SLC38A11: variants seen among roughly 807,000 people sequenced by gnomAD.
SLC38A11 encodes the protein putative sodium-coupled neutral amino acid transporter 11.
Under a neutral mutation model 49.4 loss-of-function variants are expected in SLC38A11, and 51 were observed. The observed-to-expected ratio is 1.03, with a 90% CI of 0.83 to 1.30. SLC38A11 has a LOEUF of 1.30. Among genes scored for constraint, SLC38A11 ranks in the 50% most tolerant of loss-of-function variants. The pLI, the probability that SLC38A11 is intolerant of heterozygous loss-of-function variation, is 0.00. For synonymous variants in SLC38A11, 203 were observed against 192.9 expected, an observed-to-expected ratio of 1.05 and a Z score of -0.43; for missense variants, 574 against 556.2, an observed-to-expected ratio of 1.03 and a Z score of -0.32.
intron 7 of SLC38A11, among the ~76,000 whole-genome samples, chr2:164,930,714 G>A (rs1040241384): frequency 3.3e-5 from 5 of 152,020 alleles, no homozygotes; most frequent in African/African-American, 7.2e-5. Flanking sequence ...ACCGCTTCAC[G>A]TTAAAAACTC....
chr2:164,915,036 G>C, intron 9 of SLC38A11, 76 bp downstream of exon 9: 8 of 1,330,802 alleles, frequency 6.0e-6, no homozygotes, highest in Non-Finnish European at 7.2e-6. Flanking sequence ...GGGCATACCT[G>C]TAACAATAAT....
intron 3 of SLC38A11, among the ~76,000 whole-genome samples, chr2:164,946,916 A>G (rs1213062056): frequency 6.6e-6 from 1 of 151,920 alleles, no homozygotes; most frequent in Non-Finnish European, 1.5e-5. Context: ...TACTTCCTAG[A>G]TCTTACTCTT....
intron 7 of SLC38A11, among the ~76,000 whole-genome samples, chr2:164,927,803 C>T (rs1378296198): frequency 6.6e-6 from 1 of 152,126 alleles, no homozygotes; most frequent in Non-Finnish European, 1.5e-5. Context: ...ATAGCACTTA[C>T]TCATAATTCT....
chr2:164,933,481 C>T (rs1687150926), intron 7 of SLC38A11, among the ~76,000 whole-genome samples: 2 of 151,688 alleles, frequency 1.3e-5, no homozygotes, highest in South Asian at 4.2e-4. Flanking sequence ...AATTTATGGC[C>T]CTATAAGTTA....
intron 3 of SLC38A11, among the ~76,000 whole-genome samples, chr2:164,946,879 G>A (rs1688147288): frequency 6.6e-6 from 1 of 151,972 alleles, no homozygotes; most frequent in African/African-American, 2.4e-5. Flanking sequence ...GATCATCAAT[G>A]TTCTCCAAGT....
intron 7 of SLC38A11, among the ~76,000 whole-genome samples, chr2:164,929,968 C>A (rs115135911): frequency 6.6e-6 from 1 of 151,024 alleles, no homozygotes; most frequent in Admixed American, 6.6e-5. Context: ...TGAATCCAGG[C>A]GCTGTTTTTT....
intron 11 of SLC38A11, among the ~76,000 whole-genome samples, chr2:164,906,569 G>A (rs758622055): frequency 1.3e-5 from 2 of 152,096 alleles, no homozygotes; most frequent in African/African-American, 2.4e-5. Flanking sequence ...TACATGACAC[G>A]AGATAATACA....
chr2:164,935,822 A>G (rs1352804634), intron 7 of SLC38A11, among the ~76,000 whole-genome samples: 2 of 152,124 alleles, frequency 1.3e-5, no homozygotes, highest in East Asian at 3.9e-4. Flanking sequence ...TTTGAGAGAT[A>G]ATTAGGGTTA....
intron 3 of SLC38A11, among the ~76,000 whole-genome samples, chr2:164,946,567 A>C (rs1475352149): frequency 1.4e-5 from 2 of 144,666 alleles, no homozygotes; most frequent in Non-Finnish European, 3.0e-5. Context: ...TCCCTCTCAA[A>C]AAAAAAAAAA....
intron 3 of SLC38A11, among the ~76,000 whole-genome samples, chr2:164,951,781 G>A (rs926584116): frequency 7.2e-5 from 11 of 152,142 alleles, no homozygotes; most frequent in African/African-American, 2.2e-4. Flanking sequence ...AGGGGAAAGA[G>A]TTCAGCAAGT....
chr2:164,918,626 G>C (rs1173886488), intron 7 of SLC38A11, among the ~76,000 whole-genome samples: 1 of 152,128 alleles, frequency 6.6e-6, no homozygotes, highest in Admixed American at 6.6e-5. Flanking sequence ...GATATTCCTA[G>C]CTGATTCAAT....
chr2:164,911,690 AC>A lies in SLC38A11; in HGVS notation c.908del (p.Cys303PhefsTer8). 6.2e-7 allele frequency: 1 copy of A among 1,608,102 alleles called. No individual in the cohort carries two copies. Among genetic ancestry groups the A allele is most frequent in the Admixed American group, 1.7e-5 (1 of 59,086 alleles). On this transcript the variant is annotated frameshift_variant, in exon 10 of 12. Transcript: ENST00000685975. LOFTEE classifies it high-confidence loss of function. ...ATGTCAAAATGACAGTGACACCATA[AC>A]AAAATCTTCCAAATGTTACCAGGTC... The part of the protein sequence containing the change: ...NDDLVTFGRF[C>X]YGVTVILTYP...
intron 3 of SLC38A11, among the ~76,000 whole-genome samples, chr2:164,947,789 CT>C (rs561743136): frequency 1.0e-3 from 152 of 152,266 alleles, no homozygotes; most frequent in African/African-American, 3.5e-3. Context: ...AGTCTATTAA[CT>C]ATTGCATCAG....
intron 11 of SLC38A11, among the ~76,000 whole-genome samples, chr2:164,905,424 G>A (rs577655270): frequency 7.9e-5 from 12 of 152,114 alleles, no homozygotes; most frequent in Non-Finnish European, 1.5e-4. Context: ...CAGCCACTGC[G>A]CCCTGCCCAC....
intron 7 of SLC38A11, among the ~76,000 whole-genome samples, chr2:164,923,531 C>T (rs1224475293): frequency 6.6e-6 from 1 of 152,068 alleles, no homozygotes; most frequent in South Asian, 2.1e-4. Flanking sequence ...GAGATACCAT[C>T]TCACACTAGT....
rs554807146 is a variant in SLC38A11, at chr2:164,901,999, G to A, written c.1096-3269C>T. ...TTTGTCAAATTCTTTTTCTGCATCAGTTGAGATAATCATGTGTTTTTTGTT... is the reference window on the plus strand; with the variant it reads ...TTTGTCAAATTCTTTTTCTGCATCAATTGAGATAATCATGTGTTTTTTGTT... On this transcript the variant is annotated intron_variant, in intron 11 of 11. Transcript: ENST00000685975. Among the ~76,000 whole-genome samples, 10 of 149,266 alleles carry A rather than the reference G, an allele frequency of 6.7e-5. No individual in the cohort carries two copies. In the South Asian group the frequency reaches 1.9e-3, roughly 29 times the overall value.
intron 11 of SLC38A11, among the ~76,000 whole-genome samples, chr2:164,900,589 T>C (rs888912209): frequency 6.6e-6 from 1 of 152,146 alleles, no homozygotes; most frequent in Non-Finnish European, 1.5e-5. Flanking sequence ...GTTGGCCATT[T>C]TCATGTCTTC....
chr2:164,938,275 C>T (rs1282714864), intron 6 of SLC38A11, among the ~76,000 whole-genome samples: 1 of 152,044 alleles, frequency 6.6e-6, no homozygotes, highest in Admixed American at 6.6e-5. Flanking sequence ...ATTAAACAAC[C>T]TCTCTAAGGC....
intron 7 of SLC38A11, among the ~76,000 whole-genome samples, chr2:164,928,800 T>C (rs1279547475): frequency 6.6e-6 from 1 of 152,134 alleles, no homozygotes; most frequent in African/African-American, 2.4e-5. Flanking sequence ...GCATGAATAC[T>C]CAAATTCCCT....
Sources: gnomAD v4.1 joint callset for allele counts (sites outside exome capture counted in the v4.1 genomes callset) on GRCh38, gnomAD v4.1.1 for gene constraint, MANE v1.5 for transcripts, NCBI Gene and HGNC (gene_info 2026-07-23, HGNC 2026-07-21) for gene names.